TMC1: variants seen among roughly 807,000 people sequenced by gnomAD.
TMC1 encodes transmembrane channel like 1, also known as transmembrane channel-like protein 1.
A neutral mutation model predicts 105.8 loss-of-function variants in TMC1; 84 were observed. The observed-to-expected ratio is 0.79, with a 90% CI of 0.67 to 0.95. The LOEUF (loss-of-function observed/expected upper bound fraction) is 0.95, where lower values mean the gene tolerates loss of function less well. Among genes scored for constraint, TMC1 ranks in the 40% least tolerant of loss-of-function variants. The pLI is 0.00. For synonymous variants in TMC1, 315 were observed against 311.5 expected (o/e 1.01, Z -0.12); for missense variants, 817 against 914.1 (o/e 0.89, Z 1.37).
At chr9:72,621,669 A>G (rs1011106394) in intron 3 of TMC1, among the ~76,000 whole-genome samples, 2 of 152,220 alleles carry the variant, frequency 1.3e-5, no homozygotes, top group African/African-American at 2.4e-5. Flanking sequence ...TAAACTGGGC[A>G]GTCAGCTAAG....
chr9:72,601,219 C>A (rs965310634), intron 2 of TMC1, among the ~76,000 whole-genome samples: 37 of 150,926 alleles, frequency 2.5e-4, no homozygotes, highest in African/African-American at 7.8e-4. Context: ...CACACACACA[C>A]AAATTGCCAG....
chr9:72,815,868 C>A (rs867630753), intron 18 of TMC1, among the ~76,000 whole-genome samples: 4 of 152,044 alleles, frequency 2.6e-5, no homozygotes, highest in Non-Finnish European at 5.9e-5. Context: ...AAGGTTGCTA[C>A]AGTTTTTACT....
At chr9:72,608,855 G>A (rs1359110933) in intron 2 of TMC1, among the ~76,000 whole-genome samples, 2 of 151,932 alleles carry the variant, frequency 1.3e-5, no homozygotes, top group Non-Finnish European at 2.9e-5. Flanking sequence ...TCACATCATA[G>A]GGAGACTATA....
intron 11 of TMC1, among the ~76,000 whole-genome samples, chr9:72,753,206 G>A (rs559335348): frequency 6.7e-6 from 1 of 150,036 alleles, no homozygotes; most frequent in East Asian, 2.0e-4. Flanking sequence ...CAGAGGTCCT[G>A]TGTAGTTTAT....
chr9:72,828,731 TCTC>T (rs1302491091), intron 21 of TMC1, among the ~76,000 whole-genome samples: 7 of 152,116 alleles, frequency 4.6e-5, no homozygotes, highest in Admixed American at 2.6e-4. Flanking sequence ...ACTCATGTCT[TCTC>T]CTTATTTCCT....
chr9:72,576,834 T>C (rs1824390245), intron 1 of TMC1, among the ~76,000 whole-genome samples: 1 of 152,002 alleles, frequency 6.6e-6, no homozygotes. Flanking sequence ...TTTCACCATG[T>C]TGGCCAGGGT....
chr9:72,837,945 T>G lies in TMC1; in HGVS notation c.*1972T>G, dbSNP rs1201272727. The stretch of plus-strand genomic sequence containing the variant: ...CTTATGTCTGTAATTCAGAGTCTAT[T>G]ATTTATATTGATTTTCATGTGACTT... On this transcript the variant is annotated 3_prime_UTR_variant, in exon 24 of 24. Transcript: ENST00000297784. The G allele has an allele frequency of 1.3e-5, 2 of 152,244 alleles. No homozygotes were observed. Among genetic ancestry groups the G allele is most frequent in the Non-Finnish European group, 1.5e-5 (1 of 68,046 alleles). The allele number at this position is 152,244 out of a possible 1,614,324, so 9.4% of individuals were successfully genotyped here. A position where few individuals can be genotyped will look rare whatever the true frequency, so the allele number is the denominator to read the frequency against.
At chr9:72,588,827 G>A (rs746309688) in intron 2 of TMC1, among the ~76,000 whole-genome samples, 2 of 150,694 alleles carry the variant, frequency 1.3e-5, no homozygotes, top group East Asian at 1.9e-4. Context: ...CCAGGCTGGA[G>A]TGCAATGGCG....
chr9:72,534,597 G>A (rs1823548529), intron 1 of TMC1, among the ~76,000 whole-genome samples: 2 of 152,206 alleles, frequency 1.3e-5, no homozygotes, highest in Admixed American at 1.3e-4. Context: ...ATTTTGGCAT[G>A]TATAGAAAAA....
chr9:72,801,394 C>T (rs1157847192), intron 17 of TMC1, among the ~76,000 whole-genome samples: 1 of 152,180 alleles, frequency 6.6e-6, no homozygotes, highest in Non-Finnish European at 1.5e-5. Flanking sequence ...GATGAGAAGA[C>T]TGAGACTTAG....
intron 12 of TMC1, among the ~76,000 whole-genome samples, chr9:72,756,566 C>G (rs1827679676): frequency 6.6e-6 from 1 of 152,058 alleles, no homozygotes; most frequent in African/African-American, 2.4e-5. Context: ...TTACTATGTC[C>G]CTTTACCACT....
At chr9:72,723,270 TAG>T (rs1310769286) in intron 8 of TMC1, among the ~76,000 whole-genome samples, 3 of 141,748 alleles carry the variant, frequency 2.1e-5, no homozygotes, top group Non-Finnish European at 4.6e-5. Context: ...TTAGCATGCA[TAG>T]AGTTTCAGTT....
At chr9:72,577,333 C>T (rs1038506567) in intron 1 of TMC1, among the ~76,000 whole-genome samples, 5 of 152,316 alleles carry the variant, frequency 3.3e-5, no homozygotes, top group Middle Eastern at 3.4e-3. Context: ...TTTGGAAACT[C>T]CCACTCCAGT....
intron 2 of TMC1, among the ~76,000 whole-genome samples, chr9:72,604,435 C>A (rs190738139): frequency 4.2e-4 from 64 of 152,254 alleles, no homozygotes; most frequent in Non-Finnish European, 8.8e-5. Flanking sequence ...TTACAAGAGA[C>A]TTCTCTATTT....
At chr9:72,686,703 G>T (rs1239677021) in intron 5 of TMC1, among the ~76,000 whole-genome samples, 1 of 152,176 alleles carries the variant, frequency 6.6e-6, no homozygotes, top group Non-Finnish European at 1.5e-5. Context: ...ACAAAGGAAT[G>T]CTGTTAAGCA....
chr9:72,695,771 A>G (rs1447462359), intron 7 of TMC1, among the ~76,000 whole-genome samples: 2 of 152,184 alleles, frequency 1.3e-5, no homozygotes, highest in African/African-American at 4.8e-5. Context: ...AATAAGAATA[A>G]CACCATCTAC....
intron 1 of TMC1, among the ~76,000 whole-genome samples, chr9:72,543,007 A>G (rs1001694511): frequency 2.0e-5 from 3 of 152,160 alleles, no homozygotes; most frequent in African/African-American, 4.8e-5. Context: ...GTGTAAAATG[A>G]AAATATGCAC....
intron 19 of TMC1, among the ~76,000 whole-genome samples, chr9:72,819,005 A>G (rs1828831035): frequency 6.6e-6 from 1 of 152,230 alleles, no homozygotes; most frequent in African/African-American, 2.4e-5. Flanking sequence ...GCAAGTCTCG[A>G]TTTTGAATTA....
intron 1 of TMC1, among the ~76,000 whole-genome samples, chr9:72,529,950 C>G (rs767159570): frequency 4.2e-4 from 64 of 152,304 alleles, no homozygotes; most frequent in Non-Finnish European, 7.3e-4. Flanking sequence ...CACCCTCCCC[C>G]TCTCTAATAG....
Sources: gnomAD v4.1 joint callset for allele counts (sites outside exome capture counted in the v4.1 genomes callset) on GRCh38, gnomAD v4.1.1 for gene constraint, MANE v1.5 for transcripts, NCBI Gene and HGNC (gene_info 2026-07-23, HGNC 2026-07-21) for gene names.